MIGA1: variants seen among roughly 807,000 people sequenced by gnomAD.
MIGA1 encodes the protein family with sequence similarity 73, member A.
In MIGA1, 58 loss-of-function variants were observed where a neutral mutation model predicts 82.0. The observed-to-expected ratio is 0.71, with a 90% confidence interval of 0.57 to 0.88. The LOEUF (loss-of-function observed/expected upper bound fraction) is 0.88, where lower values mean the gene tolerates loss of function less well. MIGA1 is among the 40% of genes least tolerant of loss of function. The pLI, the probability that MIGA1 is intolerant of heterozygous loss-of-function variation, is 0.00. For synonymous variants in MIGA1, 249 were observed against 253.6 expected (o/e 0.98, Z 0.17); for missense variants, 751 against 749.1 (o/e 1.00, Z -0.03).
At chr1:77,795,539 G>T (rs1682617061) in intron 2 of MIGA1, among the ~76,000 whole-genome samples, 1 of 151,558 alleles carries the variant, frequency 6.6e-6, no homozygotes, top group African/African-American at 2.4e-5. Flanking sequence ...TCACCATGTT[G>T]CCCAGGCTGG....
In MIGA1 at chr1:77,874,805, A is replaced by G. The variant is rs200483940; in HGVS notation, c.1681-41A>G. ...ATTAGAAGCTTTCTCAATGTAACTT[A>G]ATTTTGGTCTAATAAATGCCAATTT... On this transcript the variant is annotated intron_variant, in intron 15 of 15. Transcript: ENST00000370791. 6.4e-5 allele frequency: 90 copies of G among 1,411,688 alleles called. No homozygotes were observed. In the African/African-American group the frequency reaches 1.1e-3, roughly 17 times the overall value. 87.4% of individuals were successfully genotyped at this position (1,411,688 alleles called of 1,614,324 possible).
intron 7 of MIGA1, among the ~76,000 whole-genome samples, chr1:77,825,153 T>C (rs2101837346): frequency 6.6e-6 from 1 of 152,036 alleles, no homozygotes; most frequent in African/African-American, 2.4e-5. Flanking sequence ...ACTACAGTCG[T>C]GCCCCACCAC....
At chr1:77,867,924 TTAA>T (rs67895537) in intron 14 of MIGA1, among the ~76,000 whole-genome samples, 102,895 of 151,572 alleles carry the variant, frequency 0.68, 36,850 homozygotes, top group Non-Finnish European at 0.81. Context: ...GCAGGTTTCC[TTAA>T]TGATGATGAT....
chr1:77,812,207 G>T (rs372912567), intron 5 of MIGA1, among the ~76,000 whole-genome samples: 1 of 152,066 alleles, frequency 6.6e-6, no homozygotes, highest in South Asian at 2.1e-4. Context: ...GGTGGCTCAC[G>T]CCTGTAATCC....
chr1:77,865,023 C>T (rs562887860), intron 13 of MIGA1, among the ~76,000 whole-genome samples: 2 of 152,166 alleles, frequency 1.3e-5, no homozygotes, highest in Admixed American at 1.3e-4. Flanking sequence ...CATTTTGCCT[C>T]AATTAAGTAT....
At chr1:77,849,850 A>C (rs1476172572) in intron 8 of MIGA1, among the ~76,000 whole-genome samples, 2 of 152,128 alleles carry the variant, frequency 1.3e-5, no homozygotes, top group Non-Finnish European at 2.9e-5. Flanking sequence ...AGCCTGGCCA[A>C]CATGGTGAAA....
At position 77,801,499 on chromosome 1, in the gene MIGA1, T is replaced by G. The variant is rs1394592837; in HGVS notation, c.364T>G (p.Ser122Ala). ...ACTTGAATACACTAAAAGAGCAGCA[T>G]CAGACAAAGGTATGTGGAAATAGTT... is the stretch of plus-strand genomic sequence containing the variant. The change falls in exon 3 of 16, where the codon TCA becomes GCA. Residue 122 changes from serine (S) to alanine (A), a missense_variant. Ser to Ala is a moderately conservative substitution (Grantham distance 99, BLOSUM62 1). Transcript: ENST00000370791. 1 of 1,597,904 alleles carries G rather than the reference T, an allele frequency of 6.3e-7. No homozygotes were observed. The highest frequency in any genetic ancestry group is 1.4e-5 in the African/African-American group (1 of 73,988).
chr1:77,827,856 C>T (rs1025077102), intron 7 of MIGA1, among the ~76,000 whole-genome samples: 2 of 152,072 alleles, frequency 1.3e-5, no homozygotes, highest in Non-Finnish European at 2.9e-5. Flanking sequence ...ATAGCTGCTT[C>T]TTGGAGATTG....
chr1:77,861,243 A>G lies in MIGA1; in HGVS notation c.1295A>G (p.Asp432Gly). The G allele has an allele frequency of 1.2e-6, 2 of 1,611,198 alleles. No homozygotes were observed. The highest frequency in any genetic ancestry group is 8.5e-7 in the Non-Finnish European group (1 of 1,177,760). Residue 432 changes from aspartate (D) to glycine (G), a missense_variant, in exon 12 of 16, where the codon GAT becomes GGT. Physicochemically the swap from Asp to Gly is moderately conservative, Grantham distance 94. This residue lies in a region of MIGA1 where 265 missense variants were observed against 293.6 expected (regional missense o/e 0.90). Transcript: ENST00000370791. ...CTTCAGAATCCAAAGAAGTTTGAAG[A>G]TGTTTTTGATGAAATGATCTATTTT...
chr1:77,865,426 A>G (rs773058342), intron 13 of MIGA1, among the ~76,000 whole-genome samples: 7 of 152,110 alleles, frequency 4.6e-5, no homozygotes, highest in Non-Finnish European at 1.0e-4. Flanking sequence ...CCTCGTCTCT[A>G]TAAAAAAAAT....
chr1:77,816,125 T>A (rs1570953258), intron 7 of MIGA1, among the ~76,000 whole-genome samples: 1 of 151,836 alleles, frequency 6.6e-6, no homozygotes, highest in African/African-American at 2.4e-5. Context: ...TGTATTTTTA[T>A]TAGAGGTGGG....
intron 7 of MIGA1, 97 bp downstream of exon 7, chr1:77,815,328 GT>G: frequency 1.0e-6 from 1 of 960,530 alleles, no homozygotes; most frequent in Non-Finnish European, 1.4e-6. Flanking sequence ...GTAATAATAG[GT>G]TACTTAAAAA....
At chr1:77,782,924 A>G in intron 1 of MIGA1, 1 of 934,094 alleles carries the variant, frequency 1.1e-6, no homozygotes, top group Non-Finnish European at 1.3e-6. Context: ...TTAAATTTTT[A>G]TGTAACCAGA....
chr1:77,857,496 T>C (rs1685305795), intron 8 of MIGA1, among the ~76,000 whole-genome samples: 1 of 151,992 alleles, frequency 6.6e-6, no homozygotes, highest in Admixed American at 6.6e-5. Context: ...ATTGCGGGCA[T>C]GAGCCACTGC....
In MIGA1 at chr1:77,878,647, A is replaced by C. The variant is rs1646913255; in HGVS notation, c.*3583A>C. On this transcript the variant is annotated 3_prime_UTR_variant, in exon 16 of 16. Transcript: ENST00000370791. Reference sequence around the variant, plus strand: ...AAATATCCTTTTTTCTAGAAGAAAGAAGATAAATTTTGAGGCAATTTACAT... The same window carrying C: ...AAATATCCTTTTTTCTAGAAGAAAGCAGATAAATTTTGAGGCAATTTACAT... The C allele has an allele frequency of 1.5e-5, 5 of 326,702 alleles. No homozygotes were observed. The highest frequency in any genetic ancestry group is 2.2e-5 in the Non-Finnish European group (4 of 179,852). 20.2% of individuals were successfully genotyped at this position (326,702 alleles called of 1,614,324 possible).
At position 77,805,633 on chromosome 1, in the gene MIGA1, G is replaced by T. The variant is rs185587574; in HGVS notation, c.511-1342G>T. The stretch of plus-strand genomic sequence containing the variant: ...CAACCTCCATCTCCCGGGTTCCAGT[G>T]ATTCTCCTGCCTCAGCCTCCCGAGT... On this transcript the variant is annotated intron_variant, in intron 4 of 15. Transcript: ENST00000370791. Among the ~76,000 whole-genome samples the T allele has an allele frequency of 8.5e-4, 128 of 150,540 alleles. No individual in the cohort carries two copies. The Middle Eastern group carries it at 0.017, about 20-fold the overall frequency.
chr1:77,866,296 T>C (rs1557936976), intron 13 of MIGA1, 42 bp from the exon 14 acceptor site: 1 of 1,571,790 alleles, frequency 6.4e-7, no homozygotes, highest in Admixed American at 1.7e-5. Context: ...GAAATGTTTA[T>C]ATAGCTATAT....
chr1:77,853,394 C>A, intron 8 of MIGA1: 1 of 159,012 alleles, frequency 6.3e-6, no homozygotes, highest in South Asian at 1.9e-4. Flanking sequence ...CCACCCTGAC[C>A]AAGTATTGGT....
At chr1:77,816,029 C>T (rs1358170126) in intron 7 of MIGA1, among the ~76,000 whole-genome samples, 6 of 152,160 alleles carry the variant, frequency 3.9e-5, no homozygotes, top group Admixed American at 1.3e-4. Context: ...ACTCAAACTC[C>T]GCCTCCCAAG....
Sources: gnomAD v4.1 joint callset for allele counts (sites outside exome capture counted in the v4.1 genomes callset) on GRCh38, gnomAD v4.1.1 for gene constraint, gnomAD v4.1.1 regional missense constraint, MANE v1.5 for transcripts, NCBI Gene and HGNC (gene_info 2026-07-23, HGNC 2026-07-21) for gene names.